VAPB: variants seen among roughly 807,000 people sequenced by gnomAD.
VAPB encodes vesicle-associated membrane protein-associated protein B/C.
VAPB carries 7 observed loss-of-function variants against 25.6 expected under a neutral mutation model. The ratio of observed to expected loss-of-function variants is 0.27; its 90% confidence interval spans 0.16 to 0.51. The LOEUF (loss-of-function observed/expected upper bound fraction) is 0.51, where lower values mean the gene tolerates loss of function less well. VAPB is among the 20% of genes least tolerant of loss of function. VAPB has a pLI of 0.97. For synonymous variants in VAPB, 112 were observed against 109.2 expected (o/e 1.03, Z -0.16); for missense variants, 266 against 301.3 (o/e 0.88, Z 0.87).
intron 1 of VAPB, 127 bp from the exon 2 acceptor site, chr20:58,418,084 A>G (rs1264945777): frequency 1.6e-6 from 2 of 1,283,460 alleles, no homozygotes; most frequent in Non-Finnish European, 2.2e-6. Flanking sequence ...TCTTTCATCC[A>G]TTGGCATGTT....
chr20:58,446,957 C>T lies in VAPB; in HGVS notation c.*2722C>T, dbSNP rs918173994. 4.0e-5 allele frequency: 18 copies of T among 453,956 alleles called. No individual in the cohort carries two copies. Among genetic ancestry groups the T allele is most frequent in the Admixed American group, 3.1e-4 (13 of 42,556 alleles). 28.1% of individuals were successfully genotyped at this position (453,956 alleles called of 1,614,324 possible). A position where few individuals can be genotyped will look rare whatever the true frequency, so the allele number is the denominator to read the frequency against. ...GAGGTGAATATGGGGCCTGTCACAACGGCCTGCCCTGCCCCAAGAGGGTTA... is the reference window on the plus strand; with the variant it reads ...GAGGTGAATATGGGGCCTGTCACAATGGCCTGCCCTGCCCCAAGAGGGTTA... On this transcript the variant is annotated 3_prime_UTR_variant, in exon 6 of 6. Transcript: ENST00000475243.
At chr20:58,398,394 T>C (rs969707436) in intron 1 of VAPB, among the ~76,000 whole-genome samples, 1 of 152,226 alleles carries the variant, frequency 6.6e-6, no homozygotes, top group East Asian at 1.9e-4. Flanking sequence ...GAGGTTTTCT[T>C]TATAGACAGA....
At chr20:58,399,740 A>G (rs927308913) in intron 1 of VAPB, among the ~76,000 whole-genome samples, 5 of 151,088 alleles carry the variant, frequency 3.3e-5, no homozygotes, top group Admixed American at 6.6e-5. Flanking sequence ...AAATCCTTCT[A>G]TGAATTCTGT....
chr20:58,434,499 G>A (rs1988995349), intron 2 of VAPB, 103 bp from the exon 3 acceptor site: 1 of 722,682 alleles, frequency 1.4e-6, no homozygotes, highest in Non-Finnish European at 2.5e-6. Flanking sequence ...AGACATAAGA[G>A]AATGCCGGTA....
In VAPB at chr20:58,446,225, T is replaced by C. The variant is rs1568723479; in HGVS notation, c.*1990T>C. The stretch of plus-strand genomic sequence containing the variant: ...TTTTTCCCATGTGTCCCCCAGTACT[T>C]ATAAAAGGGAGTGAAAAGACCGAGC... On this transcript the variant is annotated 3_prime_UTR_variant, in exon 6 of 6. Transcript: ENST00000475243. 1 of 454,060 alleles carries C rather than the reference T, an allele frequency of 2.2e-6. No individual in the cohort carries two copies. The highest frequency in any genetic ancestry group is 2.3e-5 in the Admixed American group (1 of 42,578). The allele number at this position is 454,060 out of a possible 1,614,324, so 28.1% of individuals were successfully genotyped here. A position where few individuals can be genotyped will look rare whatever the true frequency, so the allele number is the denominator to read the frequency against.
intron 4 of VAPB, chr20:58,439,424 C>T: frequency 3.8e-6 from 1 of 262,186 alleles, no homozygotes; most frequent in Non-Finnish European, 7.5e-6. Context: ...ACAAAGTGCC[C>T]TGTCAGCCTC....
intron 1 of VAPB, among the ~76,000 whole-genome samples, chr20:58,399,039 A>T (rs1236550581): frequency 6.6e-6 from 1 of 152,084 alleles, no homozygotes; most frequent in Non-Finnish European, 1.5e-5. Context: ...AGTGGCTCAC[A>T]CCTGTAATCC....
chr20:58,410,624 C>A (rs1988354279), intron 1 of VAPB, among the ~76,000 whole-genome samples: 1 of 152,018 alleles, frequency 6.6e-6, no homozygotes, highest in Admixed American at 6.5e-5. Context: ...ACCATACTGG[C>A]CAGGCTGGTC....
intron 2 of VAPB, among the ~76,000 whole-genome samples, chr20:58,428,019 C>G (rs933182002): frequency 6.6e-6 from 1 of 151,550 alleles, no homozygotes; most frequent in Admixed American, 6.6e-5. Context: ...TGATCTGTTA[C>G]CATTATGATG....
chr20:58,421,285 T>C (rs901512541), intron 2 of VAPB, among the ~76,000 whole-genome samples: 14 of 152,236 alleles, frequency 9.2e-5, no homozygotes, highest in Non-Finnish European at 1.6e-4. Flanking sequence ...GTGGTACATT[T>C]GTACGTTCGT....
intron 2 of VAPB, among the ~76,000 whole-genome samples, chr20:58,419,182 C>G (rs2123060428): frequency 6.6e-6 from 1 of 152,312 alleles, no homozygotes; most frequent in Middle Eastern, 3.4e-3. Context: ...GAAGCTACTG[C>G]TCATTTGAAA....
chr20:58,435,399 C>T (rs948066126), intron 3 of VAPB, among the ~76,000 whole-genome samples: 2 of 152,132 alleles, frequency 1.3e-5, no homozygotes, highest in Non-Finnish European at 2.9e-5. Flanking sequence ...ACAATACAAC[C>T]CACAGCCCCA....
chr20:58,400,322 A>G (rs527577399), intron 1 of VAPB, among the ~76,000 whole-genome samples: 50 of 152,280 alleles, frequency 3.3e-4, no homozygotes, highest in African/African-American at 1.2e-3. Flanking sequence ...GAAGAGAGAT[A>G]GAAAGCCCCT....
intron 1 of VAPB, among the ~76,000 whole-genome samples, chr20:58,410,493 T>G (rs1439287119): frequency 6.6e-6 from 1 of 152,200 alleles, no homozygotes; most frequent in Non-Finnish European, 1.5e-5. Context: ...CTTCGCTCAC[T>G]GTAACCTTCG....
intron 5 of VAPB, 143 bp from the exon 6 acceptor site, chr20:58,443,934 C>G: frequency 8.7e-7 from 1 of 1,150,172 alleles, no homozygotes; most frequent in Admixed American, 2.0e-5. Flanking sequence ...CTGTAGCCTG[C>G]AGTTTCTCCG....
chr20:58,424,236 T>G (rs1988735612), intron 2 of VAPB, among the ~76,000 whole-genome samples: 1 of 152,162 alleles, frequency 6.6e-6, no homozygotes, highest in Non-Finnish European at 1.5e-5. Context: ...GTCTTGAATC[T>G]TGTCTTGTTT....
At chr20:58,417,816 T>C (rs1313377671) in intron 1 of VAPB, among the ~76,000 whole-genome samples, 1 of 152,212 alleles carries the variant, frequency 6.6e-6, no homozygotes, top group Non-Finnish European at 1.5e-5. Flanking sequence ...TGGAAATCAG[T>C]ATTTAGCATG....
chr20:58,424,545 T>C (rs1458045012), intron 2 of VAPB, among the ~76,000 whole-genome samples: 1 of 152,238 alleles, frequency 6.6e-6, no homozygotes, highest in African/African-American at 2.4e-5. Context: ...TGGGGGTTCA[T>C]GTCACAACAT....
chr20:58,413,675 G>A (rs1316461265), intron 1 of VAPB, among the ~76,000 whole-genome samples: 1 of 151,870 alleles, frequency 6.6e-6, no homozygotes, highest in Non-Finnish European at 1.5e-5. Flanking sequence ...CCTCCCAGAC[G>A]GGGTGGTGGC....
Sources: gnomAD v4.1 joint callset for allele counts (sites outside exome capture counted in the v4.1 genomes callset) on GRCh38, gnomAD v4.1.1 for gene constraint, MANE v1.5 for transcripts, NCBI Gene and HGNC (gene_info 2026-07-23, HGNC 2026-07-21) for gene names.